The following CTNNA3 variants were observed in gnomAD, a reference collection of about 807,000 sequenced individuals.
CTNNA3 encodes the protein catenin alpha-3.
CTNNA3 carries 76 observed loss-of-function variants against 95.7 expected under a neutral mutation model. That is an observed-to-expected ratio of 0.79 (90% CI 0.66 to 0.96). CTNNA3 has a LOEUF of 0.96. CTNNA3 is among the 40% of genes least tolerant of loss of function. CTNNA3 has a pLI of 0.00. For missense variants in CTNNA3, 1,191 were observed against 1,089.8 expected (o/e 1.09, Z -1.31); for synonymous variants, 431 against 374.4 (o/e 1.15, Z -1.74).
At chr10:67,295,346 G>A (rs1839993287) in intron 5 of CTNNA3, among the ~76,000 whole-genome samples, 1 of 152,140 alleles carries the variant, frequency 6.6e-6, no homozygotes, top group African/African-American at 2.4e-5. Context: ...ATCATAAATT[G>A]TAAAATTATA....
chr10:66,263,967 A>G (rs7921062), intron 13 of CTNNA3, among the ~76,000 whole-genome samples: 1 of 151,658 alleles, frequency 6.6e-6, no homozygotes, highest in Non-Finnish European at 1.5e-5. Flanking sequence ...TTTCTTGCCA[A>G]TCTCCTTTGT....
At chr10:67,753,301 T>C (rs77880642) in intron 1 of CTNNA3, among the ~76,000 whole-genome samples, 4,505 of 152,198 alleles carry the variant, frequency 0.03, 228 homozygotes, top group African/African-American at 0.1. Flanking sequence ...CCTTTCTTTA[T>C]AATTCATACA....
At chr10:66,034,496 CA>C (rs1178055785) in intron 15 of CTNNA3, among the ~76,000 whole-genome samples, 1 of 152,056 alleles carries the variant, frequency 6.6e-6, no homozygotes, top group African/African-American at 2.4e-5. Context: ...ACTTCAACAG[CA>C]GCAGCAGCAG....
At chr10:66,545,637 T>A (rs1842012752) in intron 10 of CTNNA3, among the ~76,000 whole-genome samples, 1 of 152,086 alleles carries the variant, frequency 6.6e-6, no homozygotes, top group Non-Finnish European at 1.5e-5. Context: ...TCCATACTGA[T>A]GTAGTCTCCC....
chr10:66,756,381 T>C (rs531529548), intron 9 of CTNNA3, among the ~76,000 whole-genome samples: 4 of 152,176 alleles, frequency 2.6e-5, no homozygotes, highest in Non-Finnish European at 5.9e-5. Context: ...TTGCTTATAC[T>C]TAAGACAAAG....
chr10:66,208,274 G>T (rs933134917), intron 13 of CTNNA3, among the ~76,000 whole-genome samples: 1 of 151,930 alleles, frequency 6.6e-6, no homozygotes, highest in Non-Finnish European at 1.5e-5. Context: ...AAAGAGAAAC[G>T]AAAAGAATTC....
chr10:67,383,277 A>G (rs181851056), intron 5 of CTNNA3, among the ~76,000 whole-genome samples: 3 of 152,296 alleles, frequency 2.0e-5, no homozygotes, highest in Non-Finnish European at 2.9e-5. Flanking sequence ...CATTTATTCA[A>G]CAGGAAGATG....
At chr10:66,890,553 T>C (rs182185751) in intron 7 of CTNNA3, among the ~76,000 whole-genome samples, 121 of 152,070 alleles carry the variant, frequency 8.0e-4, no homozygotes, top group Non-Finnish European at 1.3e-3. Flanking sequence ...TTTGGTAGCA[T>C]GGAGATCTTC....
intron 5 of CTNNA3, among the ~76,000 whole-genome samples, chr10:67,417,431 C>T (rs1249932651): frequency 6.6e-6 from 1 of 152,054 alleles, no homozygotes; most frequent in African/African-American, 2.4e-5. Flanking sequence ...ACATGTACCC[C>T]CTGTATCTAC....
At chr10:65,999,618 A>G (rs575758722) in intron 15 of CTNNA3, among the ~76,000 whole-genome samples, 2 of 152,312 alleles carry the variant, frequency 1.3e-5, no homozygotes, top group South Asian at 4.1e-4. Context: ...CATTTTACAA[A>G]TGAGTCTATA....
rs944434626 is a variant in CTNNA3, at chr10:65,918,413, A to G, written c.*1917T>C. The G allele has an allele frequency of 1.3e-5, 2 of 152,206 alleles. No homozygotes were observed. The highest frequency in any genetic ancestry group is 6.5e-5 in the Admixed American group (1 of 15,272). 9.4% of individuals were successfully genotyped at this position (152,206 alleles called of 1,614,324 possible). On this transcript the variant is annotated 3_prime_UTR_variant, in exon 18 of 18. Coordinates refer to ENST00000433211, the MANE Select transcript of CTNNA3 (RefSeq NM_013266.4). Reference sequence around the variant, plus strand: ...CCTCTCCCCACTAAATTATAAATTTATACTTCTATCTGGAAGAAGGATATA... The same window carrying G: ...CCTCTCCCCACTAAATTATAAATTTGTACTTCTATCTGGAAGAAGGATATA...
intron 5 of CTNNA3, among the ~76,000 whole-genome samples, chr10:67,226,647 TAC>T (rs1864931263): frequency 2.0e-5 from 3 of 152,256 alleles, no homozygotes; most frequent in Admixed American, 2.0e-4. Flanking sequence ...GAAGGAAAGA[TAC>T]AGTCTTTTTC....
intron 9 of CTNNA3, among the ~76,000 whole-genome samples, chr10:66,755,435 A>G (rs1839324870): frequency 6.6e-6 from 1 of 152,192 alleles, no homozygotes; most frequent in Non-Finnish European, 1.5e-5. Flanking sequence ...TGTATAAAAC[A>G]TGACTTATAT....
rs561198666 is a variant in CTNNA3, at chr10:66,633,476, C to A, written c.1282-11692G>T. On this transcript the variant is annotated intron_variant, in intron 9 of 17. Transcript: ENST00000433211. Reference sequence around the variant, plus strand: ...CGGGCAGATCACGAGGTCAGGAGATCAAGACCATCCTGGCTAACATGGTGA... The same window carrying A: ...CGGGCAGATCACGAGGTCAGGAGATAAAGACCATCCTGGCTAACATGGTGA... Among the ~76,000 whole-genome samples the A allele has an allele frequency of 6.6e-5, 10 of 152,172 alleles. No individual in the cohort carries two copies. In the East Asian group the frequency reaches 1.4e-3, roughly 21 times the overall value.
intron 7 of CTNNA3, among the ~76,000 whole-genome samples, chr10:67,069,104 A>T (rs1274906382): frequency 6.6e-6 from 1 of 152,038 alleles, no homozygotes; most frequent in South Asian, 2.1e-4. Context: ...AAGAAAAAGA[A>T]GAAGACAAAA....
chr10:67,112,311 T>C (rs1858947397), intron 7 of CTNNA3, among the ~76,000 whole-genome samples: 1 of 152,196 alleles, frequency 6.6e-6, no homozygotes, highest in Non-Finnish European at 1.5e-5. Flanking sequence ...AAAATGTTTT[T>C]ACTGACTTGG....
rs374708566 is a variant in CTNNA3 at position 67,421,259 on chromosome 10, G to A, written c.579+100583C>T. ...CTACTTTGCAGGTTGCAGGATGTGA[G>A]AAATGTCTGTATAAAATAGAAAATA... On this transcript the variant is annotated intron_variant, in intron 5 of 17. Coordinates refer to ENST00000433211, the MANE Select transcript of CTNNA3 (RefSeq NM_013266.4). 2.6e-5 allele frequency among the ~76,000 whole-genome samples: 4 copies of A among 152,312 alleles called. 1 individual carries two copies. Among genetic ancestry groups the A allele is most frequent in the South Asian group, 4.1e-4 (2 of 4,828 alleles).
intron 12 of CTNNA3, among the ~76,000 whole-genome samples, chr10:66,285,526 T>A (rs1325597279): frequency 1.3e-5 from 2 of 151,870 alleles, no homozygotes; most frequent in Non-Finnish European, 2.9e-5. Flanking sequence ...ATGCTTTTCC[T>A]CACATCATTT....
chr10:67,503,783 T>A (rs1839307474), intron 5 of CTNNA3, among the ~76,000 whole-genome samples: 1 of 152,194 alleles, frequency 6.6e-6, no homozygotes, highest in South Asian at 2.1e-4. Flanking sequence ...CATTAAAAAA[T>A]TACTAACTTT....
Sources: gnomAD v4.1 joint callset for allele counts (sites outside exome capture counted in the v4.1 genomes callset) on GRCh38, gnomAD v4.1.1 for gene constraint, MANE v1.5 for transcripts, NCBI Gene and HGNC (gene_info 2026-07-23, HGNC 2026-07-21) for gene names.